The following UTRN variants were observed in gnomAD, a reference collection of about 807,000 sequenced individuals.
The protein encoded by UTRN is dystrophin-related protein 1.
UTRN carries 283 observed loss-of-function variants against 463.9 expected under a neutral mutation model. That is an observed-to-expected ratio of 0.61 (90% CI 0.55 to 0.67). The LOEUF is 0.67. Among genes scored for constraint, UTRN ranks in the 30% least tolerant of loss-of-function variants. The pLI, the probability that UTRN is intolerant of heterozygous loss-of-function variation, is 0.00. For missense variants in UTRN, 3,922 were observed against 4,084.3 expected (o/e 0.96, Z 1.08); for synonymous variants, 1,442 against 1,431.5 (o/e 1.01, Z -0.17).
At chr6:144,329,961 G>A (rs968083475) in intron 2 of UTRN, among the ~76,000 whole-genome samples, 4 of 152,192 alleles carry the variant, frequency 2.6e-5, no homozygotes, top group African/African-American at 9.7e-5. Context: ...CCTCTTGAGT[G>A]TGTAGACTAG....
At chr6:144,360,786 G>A (rs537838729) in intron 2 of UTRN, among the ~76,000 whole-genome samples, 3 of 152,322 alleles carry the variant, frequency 2.0e-5, no homozygotes, top group Admixed American at 6.5e-5. Context: ...GGTTGTGATC[G>A]AATGGTAACT....
At chr6:144,780,985 A>G (rs1775778176) in intron 60 of UTRN, among the ~76,000 whole-genome samples, 1 of 152,226 alleles carries the variant, frequency 6.6e-6, no homozygotes, top group South Asian at 2.1e-4. Context: ...CTCTCCTAGA[A>G]GTAGTAGCTC....
chr6:144,296,699 C>G (rs1804741681), intron 2 of UTRN, among the ~76,000 whole-genome samples: 2 of 152,204 alleles, frequency 1.3e-5, no homozygotes, highest in Non-Finnish European at 2.9e-5. Context: ...GGTGACTCTT[C>G]TTCATTTTGT....
Position 144,537,716 on chromosome 6 carries a change from G to A in UTRN, c.6368G>A (p.Arg2123Lys). The change falls in exon 44 of 75, where the codon AGA (arginine) becomes AAA (lysine). Residue 2123 changes from arginine to lysine, a missense_variant and splice_region_variant. By Grantham distance (26) the Arg-to-Lys change is conservative. This residue lies in a region of UTRN where 2,349 missense variants were observed against 2,303.8 expected (regional missense o/e 1.02). Transcript: ENST00000367545. ...TTGGGAGAAAACCTGCAAGAATTAAGAGTAAGTTGTTTATTTCTGTCTATA... is the reference window on the plus strand; with the variant it reads ...TTGGGAGAAAACCTGCAAGAATTAAAAGTAAGTTGTTTATTTCTGTCTATA... ...TELGENLQEL[R>K]DLTQEMEVHA... 1 of 1,608,976 alleles carries A rather than the reference G, an allele frequency of 6.2e-7. No homozygotes were observed. Among genetic ancestry groups the A allele is most frequent in the Non-Finnish European group, 8.5e-7 (1 of 1,177,928 alleles).
intron 51 of UTRN, among the ~76,000 whole-genome samples, chr6:144,596,694 C>A (rs1803678359): frequency 2.0e-5 from 3 of 152,120 alleles, no homozygotes; most frequent in African/African-American, 7.2e-5. Context: ...ATGGTAACAT[C>A]TTAACAGCTG....
At chr6:144,517,380 T>TTA (rs1554276686) in intron 39 of UTRN, among the ~76,000 whole-genome samples, 1 of 151,580 alleles carries the variant, frequency 6.6e-6, no homozygotes, top group African/African-American at 2.4e-5. Flanking sequence ...TTTTTTTTTT[T>TTA]AAAGATGGGG....
At chr6:144,354,402 G>A (rs761213233) in intron 2 of UTRN, among the ~76,000 whole-genome samples, 1 of 152,220 alleles carries the variant, frequency 6.6e-6, no homozygotes, top group Non-Finnish European at 1.5e-5. Flanking sequence ...GACAATGCAA[G>A]TTAAGGCAGG....
At chr6:144,829,048 GT>G (rs1285900041) in intron 69 of UTRN, among the ~76,000 whole-genome samples, 193 bp downstream of exon 69, 4 of 151,824 alleles carry the variant, frequency 2.6e-5, no homozygotes, top group Non-Finnish European at 5.9e-5. Context: ...TATTTACTTT[GT>G]TTCATATAAG....
At chr6:144,678,615 T>C (rs547051890) in intron 52 of UTRN, 37 bp downstream of exon 52, 2 of 1,540,664 alleles carry the variant, frequency 1.3e-6, no homozygotes, top group East Asian at 4.7e-5. Context: ...AATAATGGGG[T>C]GGAAGGGGTA....
intron 54 of UTRN, among the ~76,000 whole-genome samples, chr6:144,743,377 A>G (rs746411761): frequency 6.6e-6 from 1 of 152,192 alleles, no homozygotes; most frequent in African/African-American, 2.4e-5. Flanking sequence ...GGAGAAACAT[A>G]GTTTCATTTT....
At chr6:144,566,743 A>G (rs1800436700) in intron 50 of UTRN, among the ~76,000 whole-genome samples, 1 of 152,194 alleles carries the variant, frequency 6.6e-6, no homozygotes, top group Non-Finnish European at 1.5e-5. Flanking sequence ...TGCCTGGAAG[A>G]TGGGTGAACA....
intron 51 of UTRN, among the ~76,000 whole-genome samples, chr6:144,593,499 A>G (rs1803329644): frequency 1.3e-5 from 2 of 152,150 alleles, no homozygotes; most frequent in African/African-American, 2.4e-5. Flanking sequence ...TTGGCCTGCA[A>G]CCAATCAGAG....
intron 3 of UTRN, among the ~76,000 whole-genome samples, chr6:144,421,024 T>A (rs1784788295): frequency 6.6e-6 from 1 of 152,208 alleles, no homozygotes; most frequent in Non-Finnish European, 1.5e-5. Flanking sequence ...TTTTGTTTTT[T>A]GAGATGGAGT....
At chr6:144,602,346 C>T (rs909896944) in intron 51 of UTRN, among the ~76,000 whole-genome samples, 7 of 151,610 alleles carry the variant, frequency 4.6e-5, no homozygotes, top group Non-Finnish European at 1.0e-4. Context: ...ACCATGTTGG[C>T]CAGGCTGGTC....
chr6:144,612,776 AT>A (rs1805663144), intron 51 of UTRN, among the ~76,000 whole-genome samples: 1 of 152,156 alleles, frequency 6.6e-6, no homozygotes, highest in Admixed American at 6.6e-5. Flanking sequence ...TAGTATAGCC[AT>A]TATGTAAAAT....
In UTRN at chr6:144,436,123, G is replaced by C; in HGVS notation, c.1044G>C (p.Gln348His). The change falls in exon 10 of 75, where the codon CAG (glutamine) becomes CAC (histidine). Residue 348 changes from glutamine to histidine, a missense_variant. Physicochemically the swap from Gln to His is conservative, Grantham distance 24. Transcript: ENST00000367545. Reference sequence around the variant, plus strand: ...ATGATGTTGAAGAAGTCAAAGACCAGTTTGCAACCCATGAAGTAAATATCT... The same window carrying C: ...ATGATGTTGAAGAAGTCAAAGACCACTTTGCAACCCATGAAGTAAATATCT... Reference protein sequence around the residue: ...ISDDVEEVKDQFATHEAFMME... With the variant: ...ISDDVEEVKDHFATHEAFMME... The C allele has an allele frequency of 6.2e-7, 1 of 1,613,826 alleles. No homozygotes were observed. Among genetic ancestry groups the C allele is most frequent in the Non-Finnish European group, 8.5e-7 (1 of 1,179,982 alleles).
rs367696855 is a variant in UTRN, at chr6:144,470,568, C to T, written c.3067-3152C>T. ...AGGATGACGGCCGGGAAGAGGCGCT[C>T]CTCACTTCCCAGACTGGGCGGCCGG... On this transcript the variant is annotated intron_variant, in intron 23 of 74. Coordinates refer to ENST00000367545, the MANE Select transcript of UTRN (RefSeq NM_007124.3). Among the ~76,000 whole-genome samples the T allele has an allele frequency of 3.0e-3, 463 of 152,030 alleles. 4 individuals are homozygous for T. Among genetic ancestry groups the T allele is most frequent in the African/African-American group, 0.011 (436 of 41,476 alleles).
intron 60 of UTRN, among the ~76,000 whole-genome samples, chr6:144,776,394 T>C (rs1775325722): frequency 6.6e-6 from 1 of 152,192 alleles, no homozygotes; most frequent in African/African-American, 2.4e-5. Context: ...TGAACTACTT[T>C]AGGTCATGGC....
At chr6:144,396,524 ATTG>A (rs1311278767) in intron 2 of UTRN, among the ~76,000 whole-genome samples, 2 of 152,184 alleles carry the variant, frequency 1.3e-5, no homozygotes, top group Non-Finnish European at 2.9e-5. Context: ...AATCACAAAT[ATTG>A]TTATGTATTT....
Sources: allele counts gnomAD v4.1 joint callset (sites outside exome capture counted in the v4.1 genomes callset), GRCh38; gene constraint gnomAD v4.1.1; regional missense constraint gnomAD v4.1.1; transcripts MANE v1.5; gene names NCBI Gene and HGNC (gene_info 2026-07-23, HGNC 2026-07-21).